PLS1: variants seen among roughly 807,000 people sequenced by gnomAD.
The protein encoded by PLS1 is plastin 1, also known as plastin-1.
Under a neutral mutation model 73.7 loss-of-function variants are expected in PLS1, and 32 were observed. That is an observed-to-expected ratio of 0.43 (90% CI 0.33 to 0.58). The LOEUF is 0.58. PLS1 is among the 20% of genes least tolerant of loss of function. The pLI is 0.04. For synonymous variants in PLS1, 217 were observed against 261.3 expected (o/e 0.83, Z 1.63); for missense variants, 633 against 740.5 (o/e 0.85, Z 1.68).
intron 1 of PLS1, among the ~76,000 whole-genome samples, chr3:142,605,475 A>G (rs183488558): frequency 6.6e-4 from 100 of 152,302 alleles, no homozygotes; most frequent in African/African-American, 2.1e-3. Flanking sequence ...GGTTCAAGTG[A>G]TTCTCCTGCT....
At chr3:142,663,522 A>C (rs1186276098) in intron 1 of PLS1, among the ~76,000 whole-genome samples, 4 of 152,170 alleles carry the variant, frequency 2.6e-5, no homozygotes, top group Non-Finnish European at 5.9e-5. Context: ...ACATAGTGAG[A>C]TCCTGTCTCT....
intron 4 of PLS1, among the ~76,000 whole-genome samples, chr3:142,675,763 C>T (rs1399952223): frequency 6.6e-6 from 1 of 151,880 alleles, no homozygotes; most frequent in Admixed American, 6.6e-5. Flanking sequence ...GCAACCTCCA[C>T]CCCCCGGTTC....
chr3:142,608,369 T>G lies in PLS1; in HGVS notation c.-37+11860T>G, dbSNP rs1271219295. Among the ~76,000 whole-genome samples the G allele has an allele frequency of 3.3e-5, 5 of 152,348 alleles. No homozygotes were observed. The East Asian group carries it at 9.6e-4, about 29-fold the overall frequency. ...CTTTAAGAGAATGTTGTTTTGCTTGTAATAAAACATAAAGTTAATAGAAAT... is the reference window on the plus strand; with the variant it reads ...CTTTAAGAGAATGTTGTTTTGCTTGGAATAAAACATAAAGTTAATAGAAAT... On this transcript the variant is annotated intron_variant, in intron 1 of 15. Coordinates refer to ENST00000457734, the MANE Select transcript of PLS1 (RefSeq NM_001145319.2).
chr3:142,608,711 C>G (rs1402830417), intron 1 of PLS1, among the ~76,000 whole-genome samples: 1 of 152,166 alleles, frequency 6.6e-6, no homozygotes, highest in African/African-American at 2.4e-5. Flanking sequence ...TTACTGCCAG[C>G]CAAAGGAGAT....
intron 1 of PLS1, among the ~76,000 whole-genome samples, chr3:142,649,990 G>A (rs2037046228): frequency 6.6e-6 from 1 of 152,058 alleles, no homozygotes; most frequent in Non-Finnish European, 1.5e-5. Flanking sequence ...TTTTCTTCAT[G>A]TAGATTGTTT....
intron 2 of PLS1, among the ~76,000 whole-genome samples, chr3:142,666,844 G>A (rs1482592029): frequency 3.3e-5 from 5 of 152,128 alleles, no homozygotes; most frequent in African/African-American, 1.2e-4. Context: ...ATTCTCCTAG[G>A]TGTGAAGTAG....
intron 6 of PLS1, among the ~76,000 whole-genome samples, chr3:142,681,211 TTAAAG>T (rs1423173331): frequency 1.8e-4 from 27 of 152,216 alleles, no homozygotes; most frequent in African/African-American, 6.3e-4. Context: ...AATATAAATA[TTAAAG>T]TAAAACCAAG....
At chr3:142,667,271 T>C (rs1254048592) in intron 2 of PLS1, among the ~76,000 whole-genome samples, 1 of 152,064 alleles carries the variant, frequency 6.6e-6, no homozygotes, top group Admixed American at 6.6e-5. Flanking sequence ...AAAAGTTAGC[T>C]GGGCGTGGTG....
chr3:142,601,832 G>A (rs1264087987), intron 1 of PLS1, among the ~76,000 whole-genome samples: 1 of 152,126 alleles, frequency 6.6e-6, no homozygotes. Flanking sequence ...TCATTTTCTA[G>A]ATGAGAAAAT....
intron 1 of PLS1, among the ~76,000 whole-genome samples, chr3:142,662,439 A>G (rs1018030831): frequency 1.3e-5 from 2 of 152,166 alleles, no homozygotes; most frequent in African/African-American, 4.8e-5. Context: ...TAGGGGAGGG[A>G]TAGCATTAGG....
In PLS1 at chr3:142,609,533, C is replaced by A. The variant is rs116677674; in HGVS notation, c.-37+13024C>A. ...CATCACCCTGCTTAATAGCAAGGGC[C>A]TAGAAATAAGAGGGAGCACATAGGT... On this transcript the variant is annotated intron_variant, in intron 1 of 15. Transcript: ENST00000457734. 8.2e-3 allele frequency among the ~76,000 whole-genome samples: 1,249 copies of A among 152,276 alleles called. 15 individuals carry two copies. The highest frequency in any genetic ancestry group is 0.029 in the African/African-American group (1,210 of 41,552).
chr3:142,614,322 A>T (rs28647471), intron 1 of PLS1, among the ~76,000 whole-genome samples: 1 of 152,068 alleles, frequency 6.6e-6, no homozygotes. Flanking sequence ...TTAACTACCA[A>T]GGATAGAAGG....
chr3:142,665,314 A>G (rs2037457522), intron 2 of PLS1, among the ~76,000 whole-genome samples: 1 of 151,414 alleles, frequency 6.6e-6, no homozygotes, highest in African/African-American at 2.4e-5. Flanking sequence ...AAAAAAAACC[A>G]AAAAACTGTG....
intron 12 of PLS1, among the ~76,000 whole-genome samples, chr3:142,701,355 CA>C (rs2038328060): frequency 6.6e-6 from 1 of 152,178 alleles, no homozygotes; most frequent in South Asian, 2.1e-4. Context: ...GGAATATTTG[CA>C]GTATACTGGT....
At chr3:142,692,318 G>A (rs920758070) in intron 10 of PLS1, among the ~76,000 whole-genome samples, 13 of 151,908 alleles carry the variant, frequency 8.6e-5, no homozygotes, top group African/African-American at 3.1e-4. Context: ...TTTCAATCTT[G>A]TATATCAGCA....
rs148798203 is a variant in PLS1, at chr3:142,705,447, T to G, written c.1629+861T>G. 6.1e-3 allele frequency among the ~76,000 whole-genome samples: 933 copies of G among 152,350 alleles called. 4 individuals carry two copies. Among genetic ancestry groups the G allele is most frequent in the Non-Finnish European group, 9.5e-3 (645 of 68,032 alleles). On this transcript the variant is annotated intron_variant, in intron 14 of 15. Coordinates refer to ENST00000457734, the MANE Select transcript of PLS1 (RefSeq NM_001145319.2). ...GATTCATAAAGCACTCAAAATGTAA[T>G]CTGTACATACATACCCACTAATTTT... is the stretch of plus-strand genomic sequence containing the variant.
rs1253173879 is a variant in PLS1 at position 142,652,565 on chromosome 3, C to CATCTATCT, written c.-36-11637_-36-11636insATCTATCT. Among the ~76,000 whole-genome samples the CATCTATCT allele has an allele frequency of 2.6e-5, 4 of 152,206 alleles. No homozygotes were observed. In the South Asian group the frequency reaches 6.2e-4, roughly 24 times the overall value. On this transcript the variant is annotated intron_variant, in intron 1 of 15. Coordinates refer to ENST00000457734, the MANE Select transcript of PLS1 (RefSeq NM_001145319.2). ...ATTAGCGCATCTATCTGAGTGGAGC[C>CATCTATCT]GAGGGCACAGAGTAGGAGGCGGGGG...
chr3:142,651,476 A>AC (rs1478866510), intron 1 of PLS1, among the ~76,000 whole-genome samples: 1 of 151,348 alleles, frequency 6.6e-6, no homozygotes, highest in Non-Finnish European at 1.5e-5. Flanking sequence ...AAAAAAAAAA[A>AC]AAAAAAAAAA....
intron 1 of PLS1, among the ~76,000 whole-genome samples, chr3:142,613,437 A>G (rs910130338): frequency 2.0e-5 from 3 of 152,036 alleles, no homozygotes; most frequent in Admixed American, 6.6e-5. Context: ...AGATCATGCC[A>G]TTGTACTCCA....
Sources: gnomAD v4.1 joint callset for allele counts (sites outside exome capture counted in the v4.1 genomes callset) on GRCh38, gnomAD v4.1.1 for gene constraint, MANE v1.5 for transcripts, NCBI Gene and HGNC (gene_info 2026-07-23, HGNC 2026-07-21) for gene names.